The following RNF38 variants were observed in gnomAD, a reference collection of about 807,000 sequenced individuals.
The protein encoded by RNF38 is E3 ubiquitin-protein ligase RNF38.
Under a neutral mutation model 67.2 loss-of-function variants are expected in RNF38, and 15 were observed. The ratio of observed to expected loss-of-function variants is 0.22; its 90% confidence interval spans 0.15 to 0.34. The LOEUF (loss-of-function observed/expected upper bound fraction) is 0.34. Ranked by LOEUF, RNF38 falls within the 10% of genes least tolerant of loss-of-function variation. The probability of loss-of-function intolerance (pLI) is 1.00; values close to 1 mark genes in which losing one functional copy is unlikely to be tolerated. For missense variants in RNF38, 524 were observed against 639.9 expected, an observed-to-expected ratio of 0.82 and a Z score of 1.95; for synonymous variants, 220 against 218.8, an observed-to-expected ratio of 1.01 and a Z score of -0.05.
intron 2 of RNF38, among the ~76,000 whole-genome samples, chr9:36,409,345 G>A (rs547793363): frequency 2.5e-4 from 38 of 151,878 alleles, no homozygotes; most frequent in Middle Eastern, 3.4e-3. Context: ...AAGAAAGAAA[G>A]AAAAAAAGAA....
intron 2 of RNF38, among the ~76,000 whole-genome samples, chr9:36,417,783 T>C (rs945773975): frequency 6.6e-6 from 1 of 152,126 alleles, no homozygotes; most frequent in African/African-American, 2.4e-5. Context: ...TCTGCTGGGA[T>C]TACAAGCATG....
chr9:36,343,745 TA>T (rs1411504300), intron 10 of RNF38, among the ~76,000 whole-genome samples: 1 of 151,968 alleles, frequency 6.6e-6, no homozygotes, highest in Non-Finnish European at 1.5e-5. Context: ...GACTTACCAG[TA>T]AAAGCTACAA....
At chr9:36,400,448 C>G, upstream of RNF38, 1 of 1,065,714 alleles carries the variant, frequency 9.4e-7, no homozygotes, top group Admixed American at 5.3e-5. Flanking sequence ...CGCCGGGCGG[C>G]CGAGGCAAAC....
chr9:36,480,449 G>C lies in RNF38; in HGVS notation n.241+6859C>G, dbSNP rs548847111. ...AAATCCAAGGTGCAGAAGCAGAATG[G>C]ACAGCCAACTTTTCAACTCCAAGAA... On this transcript the variant is annotated intron_variant and non_coding_transcript_variant, in intron 1 of 3. Coordinates refer to the RNF38 transcript ENST00000488058. Among the ~76,000 whole-genome samples, 5 of 151,838 alleles carry C rather than the reference G, an allele frequency of 3.3e-5. No individual in the cohort carries two copies. The South Asian group carries it at 1.0e-3, about 32-fold the overall frequency.
At chr9:36,448,638 G>T (rs184551502) in intron 1 of RNF38, among the ~76,000 whole-genome samples, 2 of 152,184 alleles carry the variant, frequency 1.3e-5, no homozygotes. Flanking sequence ...TTCCAGCTCT[G>T]AAATTCAAAG....
At chr9:36,414,787 G>C (rs1280447254) in intron 2 of RNF38, among the ~76,000 whole-genome samples, 1 of 151,808 alleles carries the variant, frequency 6.6e-6, no homozygotes, top group East Asian at 1.9e-4. Context: ...GTCTGAATAA[G>C]ACTTTTATCT....
chr9:36,475,740 G>A (rs543781897), intron 1 of RNF38, among the ~76,000 whole-genome samples: 10 of 151,336 alleles, frequency 6.6e-5, no homozygotes, highest in Admixed American at 2.6e-4. Context: ...TAAACTAGCC[G>A]GGTGCGGTGG....
intron 9 of RNF38, among the ~76,000 whole-genome samples, chr9:36,348,809 G>A (rs1162195494): frequency 2.0e-5 from 3 of 152,240 alleles, no homozygotes; most frequent in Non-Finnish European, 2.9e-5. Flanking sequence ...AAGTTACCCA[G>A]AAGCTCTATC....
intron 1 of RNF38, among the ~76,000 whole-genome samples, chr9:36,471,872 G>C (rs902942752): frequency 6.6e-6 from 1 of 152,180 alleles, no homozygotes; most frequent in African/African-American, 2.4e-5. Flanking sequence ...TGGGATTACA[G>C]GTGAGCCACC....
intron 2 of RNF38, among the ~76,000 whole-genome samples, chr9:36,381,726 T>C (rs998532399): frequency 1.2e-4 from 18 of 152,372 alleles, no homozygotes; most frequent in African/African-American, 4.3e-4. Flanking sequence ...AGATATTCTG[T>C]GTCTTTTCGG....
intron 1 of RNF38, among the ~76,000 whole-genome samples, chr9:36,430,711 G>T: frequency 6.6e-6 from 1 of 151,948 alleles, no homozygotes; most frequent in South Asian, 2.1e-4. Flanking sequence ...TTTTCCATTT[G>T]AATGGAAATA....
intron 1 of RNF38, among the ~76,000 whole-genome samples, chr9:36,482,865 G>A (rs1447673267): frequency 6.6e-6 from 1 of 152,184 alleles, no homozygotes; most frequent in African/African-American, 2.4e-5. Context: ...GGATGAAACT[G>A]TTAGTTACAG....
At chr9:36,448,849 C>CA (rs1281261446) in intron 1 of RNF38, among the ~76,000 whole-genome samples, 1 of 151,408 alleles carries the variant, frequency 6.6e-6, no homozygotes, top group Admixed American at 6.6e-5. Context: ...ATTAAAAATA[C>CA]AAAAAAATTA....
Position 36,353,262 on chromosome 9 carries a change from G to C in RNF38, c.979C>G (p.Pro327Ala). 6.2e-7 allele frequency: 1 copy of C among 1,613,138 alleles called. No individual in the cohort carries two copies. The highest frequency in any genetic ancestry group is 8.5e-7 in the Non-Finnish European group (1 of 1,179,528). ...EHLPVGGFTY[P>A]PSAHPPTLPP... is the part of the protein sequence containing the mutation. ...AATGTTGGGGGGTGGGCTGATGGAG[G>C]GTAAGTAAAACCTCCTACTGGAAGA... Residue 327 changes from proline to alanine, a missense_variant, in exon 7 of 12, where the codon CCT becomes GCT. This residue lies in a region of RNF38 where 461 missense variants were observed against 517.4 expected (regional missense o/e 0.89). Coordinates refer to ENST00000259605, the MANE Select transcript of RNF38 (RefSeq NM_022781.5).
chr9:36,413,143 C>G (rs1838370856), intron 2 of RNF38, among the ~76,000 whole-genome samples: 1 of 151,320 alleles, frequency 6.6e-6, no homozygotes, highest in Non-Finnish European at 1.5e-5. Context: ...GCAGGAGACT[C>G]ATTTGAACCT....
chr9:36,372,399 G>T (rs1330049017), intron 3 of RNF38: 4 of 576,338 alleles, frequency 6.9e-6, no homozygotes, highest in Non-Finnish European at 1.3e-5. Context: ...GAGTTTAATG[G>T]CCCTGTTTAT....
chr9:36,337,001 G>T lies in RNF38; in HGVS notation c.*2751C>A, dbSNP rs1016328649. Reference sequence around the variant, plus strand: ...GGCTGGGGGTTAAAAAAACACCAAAGATGACAATTCATGCCAAAAAACAAA... The same window carrying T: ...GGCTGGGGGTTAAAAAAACACCAAATATGACAATTCATGCCAAAAAACAAA... On this transcript the variant is annotated 3_prime_UTR_variant, in exon 12 of 12. Transcript: ENST00000259605. 4 of 152,056 alleles carry T rather than the reference G, an allele frequency of 2.6e-5. No individual in the cohort carries two copies. The highest frequency in any genetic ancestry group is 5.9e-5 in the Non-Finnish European group (4 of 68,002). The allele number at this position is 152,056 out of a possible 1,614,324, so 9.4% of individuals were successfully genotyped here.
chr9:36,352,442 T>C (rs1833767123), intron 8 of RNF38, among the ~76,000 whole-genome samples: 1 of 152,158 alleles, frequency 6.6e-6, no homozygotes, highest in Admixed American at 6.5e-5. Context: ...CACTAAAAGC[T>C]GAATAATCAA....
Position 36,373,544 on chromosome 9 carries a change from A to C in RNF38, c.356+2390T>G, listed in dbSNP as rs146571190. ...CACCTGAGGCCTTTGAGGGATCAAT[A>C]ACACTAATTTTCACCTAGGTGGTGG... On this transcript the variant is annotated intron_variant, in intron 3 of 11. Coordinates refer to ENST00000259605, the MANE Select transcript of RNF38 (RefSeq NM_022781.5). Among the ~76,000 whole-genome samples, 832 of 151,934 alleles carry C rather than the reference A, an allele frequency of 5.5e-3. 12 individuals carry two copies. Among genetic ancestry groups the C allele is most frequent in the African/African-American group, 0.019 (778 of 41,416 alleles).
Sources: allele counts gnomAD v4.1 joint callset (sites outside exome capture counted in the v4.1 genomes callset), GRCh38; gene constraint gnomAD v4.1.1; regional missense constraint gnomAD v4.1.1; transcripts MANE v1.5; gene names NCBI Gene and HGNC (gene_info 2026-07-23, HGNC 2026-07-21).